The following CRCP variants were observed in gnomAD, a reference collection of about 807,000 sequenced individuals.
CRCP encodes the protein CGRP receptor component, also known as DNA-directed RNA polymerase III subunit RPC9.
Under a neutral mutation model 18.5 loss-of-function variants are expected in CRCP, and 18 were observed. The observed-to-expected ratio is 0.97, with a 90% CI of 0.67 to 1.44. The LOEUF (loss-of-function observed/expected upper bound fraction) is 1.44, where lower values mean the gene tolerates loss of function less well. Ranked by LOEUF, CRCP falls within the 40% of genes most tolerant of loss-of-function variation. The probability of loss-of-function intolerance (pLI) is 0.00; values close to 1 mark genes in which losing one functional copy is unlikely to be tolerated. For synonymous variants in CRCP, 53 were observed against 62.9 expected, an observed-to-expected ratio of 0.84 and a Z score of 0.75; for missense variants, 130 against 176.4, an observed-to-expected ratio of 0.74 and a Z score of 1.49.
At chr7:66,145,940 T>C (rs1387518838) in intron 5 of CRCP, among the ~76,000 whole-genome samples, 2 of 152,236 alleles carry the variant, frequency 1.3e-5, no homozygotes, top group Non-Finnish European at 2.9e-5. Flanking sequence ...CCTTCCTTGC[T>C]CATCTCCTGG....
chr7:66,152,133 T>G lies in CRCP; in HGVS notation c.298-75T>G, dbSNP rs1397876254. On this transcript the variant is annotated intron_variant, in intron 5 of 5. Coordinates refer to ENST00000395326, the MANE Select transcript of CRCP (RefSeq NM_014478.5). The stretch of plus-strand genomic sequence containing the variant: ...GTGCCAGGAGGCCGGGCTGAGACCA[T>G]GAGCACAGTGGGCAGGGCTGCCCAA... The G allele has an allele frequency of 4.5e-6, 7 of 1,562,424 alleles. No individual in the cohort carries two copies. In the East Asian group the frequency reaches 1.3e-4, roughly 30 times the overall value.
intron 1 of CRCP, among the ~76,000 whole-genome samples, chr7:66,121,387 TTTGA>T (rs1787436938): frequency 6.6e-6 from 1 of 152,136 alleles, no homozygotes; most frequent in Non-Finnish European, 1.5e-5. Context: ...TTATGCTTTA[TTTGA>T]TTGACAATTT....
At chr7:66,123,448 G>A (rs768753434) in intron 1 of CRCP, among the ~76,000 whole-genome samples, 1 of 152,060 alleles carries the variant, frequency 6.6e-6, no homozygotes. Flanking sequence ...AGTTCTAATA[G>A]CTCTAAAAAA....
At chr7:66,148,737 A>G (rs751952200) in intron 5 of CRCP, among the ~76,000 whole-genome samples, 13 of 152,214 alleles carry the variant, frequency 8.5e-5, no homozygotes, top group Non-Finnish European at 1.6e-4. Flanking sequence ...CTCACAGGCC[A>G]CTGCCCTGAA....
intron 3 of CRCP, among the ~76,000 whole-genome samples, chr7:66,132,878 T>G (rs1787851003): frequency 1.3e-5 from 2 of 151,714 alleles, no homozygotes; most frequent in African/African-American, 2.4e-5. Context: ...GCCACTGCAC[T>G]CCAGCCTGGG....
chr7:66,130,601 C>T, intron 2 of CRCP, 143 bp from the exon 3 acceptor site: 2 of 508,224 alleles, frequency 3.9e-6, no homozygotes, highest in Non-Finnish European at 7.2e-6. Flanking sequence ...CTCATATTTG[C>T]TCAAATCCAA....
chr7:66,135,936 A>G (rs936307710), intron 4 of CRCP, among the ~76,000 whole-genome samples: 7 of 152,088 alleles, frequency 4.6e-5, no homozygotes, highest in African/African-American at 1.7e-4. Flanking sequence ...AAAAAAAAAA[A>G]TCTTTTCTTG....
intron 1 of CRCP, among the ~76,000 whole-genome samples, chr7:66,116,403 G>A (rs1787263074): frequency 6.6e-6 from 1 of 151,334 alleles, no homozygotes; most frequent in Non-Finnish European, 1.5e-5. Context: ...GCTGAGATGG[G>A]AGGATCACTT....
intron 1 of CRCP, among the ~76,000 whole-genome samples, chr7:66,118,256 G>A (rs578088422): frequency 4.6e-5 from 7 of 152,212 alleles, no homozygotes; most frequent in Admixed American, 1.3e-4. Context: ...GATTACAGGC[G>A]TGAGCCACCA....
chr7:66,122,111 C>G (rs1213451133), intron 1 of CRCP, among the ~76,000 whole-genome samples: 1 of 152,170 alleles, frequency 6.6e-6, no homozygotes, highest in Non-Finnish European at 1.5e-5. Context: ...CACAGTGGCT[C>G]ACGCCTGTAA....
At chr7:66,144,570 C>T (rs1788239437) in intron 4 of CRCP, among the ~76,000 whole-genome samples, 1 of 152,196 alleles carries the variant, frequency 6.6e-6, no homozygotes, top group Non-Finnish European at 1.5e-5. Context: ...CCTCCTGCCT[C>T]ACCTCCTTGT....
chr7:66,132,871 A>G (rs887012544), intron 3 of CRCP, among the ~76,000 whole-genome samples: 1 of 151,898 alleles, frequency 6.6e-6, no homozygotes, highest in Non-Finnish European at 1.5e-5. Context: ...AGATTGCGCC[A>G]CTGCACTCCA....
At chr7:66,143,940 C>T (rs1002512452) in intron 4 of CRCP, among the ~76,000 whole-genome samples, 7 of 152,190 alleles carry the variant, frequency 4.6e-5, no homozygotes, top group African/African-American at 1.7e-4. Flanking sequence ...GATGAGGAAA[C>T]TGAGGCTCAG....
At position 66,118,883 on chromosome 7, in the gene CRCP, A is replaced by G. The variant is rs1476332271; in HGVS notation, c.8+3913A>G. 4.6e-5 allele frequency among the ~76,000 whole-genome samples: 7 copies of G among 152,182 alleles called. 1 individual carries two copies. The highest frequency in any genetic ancestry group is 2.1e-4 in the South Asian group (1 of 4,832). On this transcript the variant is annotated intron_variant, in intron 1 of 5. Transcript: ENST00000395326. ...ACAGCTTCAGAGCAGTAAAGGTGAA[A>G]GACAGTCTTTTGTTAGAATGTTGGG... is the stretch of plus-strand genomic sequence containing the variant.
Position 66,139,350 on chromosome 7 carries a change from A to G in CRCP, c.239+4976A>G, listed in dbSNP as rs111869034. 5.3e-5 allele frequency among the ~76,000 whole-genome samples: 8 copies of G among 152,284 alleles called. 1 individual carries two copies. The highest frequency in any genetic ancestry group is 1.9e-4 in the East Asian group (1 of 5,188). On this transcript the variant is annotated intron_variant, in intron 4 of 5. Transcript: ENST00000395326. The stretch of plus-strand genomic sequence containing the variant: ...CATTTGGTTATTTGTTATAACTTCT[A>G]TTCTTTCCTGAGAACTTGTATTATT...
At chr7:66,138,090 T>C (rs1319920498) in intron 4 of CRCP, among the ~76,000 whole-genome samples, 1 of 152,236 alleles carries the variant, frequency 6.6e-6, no homozygotes, top group African/African-American at 2.4e-5. Flanking sequence ...AGAACAGGTC[T>C]CTTGGCTACA....
At chr7:66,128,817 C>T (rs1429000349) in intron 2 of CRCP, 2 of 152,166 alleles carry the variant, frequency 1.3e-5, no homozygotes, top group Non-Finnish European at 1.5e-5. Flanking sequence ...ATCTGATAGG[C>T]TCACTCCAGG....
chr7:66,120,138 C>T (rs1039779230), intron 1 of CRCP, among the ~76,000 whole-genome samples: 13 of 151,526 alleles, frequency 8.6e-5, no homozygotes, highest in South Asian at 2.1e-4. Context: ...GAGCCAAGAT[C>T]GCACCACTGC....
intron 1 of CRCP, among the ~76,000 whole-genome samples, chr7:66,123,023 C>G (rs550649108): frequency 1.2e-4 from 18 of 150,212 alleles, no homozygotes; most frequent in African/African-American, 4.2e-4. Flanking sequence ...AGCCCCATCT[C>G]GGCACACTGT....
Sources: gnomAD v4.1 joint callset for allele counts (sites outside exome capture counted in the v4.1 genomes callset) on GRCh38, gnomAD v4.1.1 for gene constraint, MANE v1.5 for transcripts, NCBI Gene and HGNC (gene_info 2026-07-23, HGNC 2026-07-21) for gene names.